The following ITCH variants were observed in gnomAD, a reference collection of about 807,000 sequenced individuals.
ITCH encodes itchy E3 ubiquitin protein ligase.
ITCH carries 28 observed loss-of-function variants against 126.8 expected under a neutral mutation model. That is an observed-to-expected ratio of 0.22 (90% confidence interval 0.16 to 0.30). ITCH has a LOEUF of 0.30. ITCH is among the 10% of genes least tolerant of loss of function. ITCH has a pLI of 1.00. For synonymous variants in ITCH, 342 were observed against 340.0 expected (o/e 1.01, Z -0.06); for missense variants, 631 against 1,032.4 (o/e 0.61, Z 5.33).
chr20:34,375,783 T>C lies in ITCH; in HGVS notation c.-22+6313T>C, dbSNP rs2037821855. ...ATCCCAGCACTTTGGGAGGCCAAGG[T>C]GATAGGATTGCTTGAGCCTCGGAGT... On this transcript the variant is annotated intron_variant, in intron 2 of 24. Coordinates refer to ENST00000374864, the MANE Select transcript of ITCH (RefSeq NM_031483.7). Among the ~76,000 whole-genome samples the C allele has an allele frequency of 4.5e-5, 6 of 133,208 alleles. No homozygotes were observed. The Admixed American group carries it at 4.5e-4, about 10-fold the overall frequency. 87.4% of individuals were successfully genotyped at this position (133,208 alleles called of 152,430 possible). A position where few individuals can be genotyped will look rare whatever the true frequency, so the allele number is the denominator to read the frequency against.
At chr20:34,408,504 T>A in intron 3 of ITCH, 147 bp from the exon 4 acceptor site, 1 of 722,652 alleles carries the variant, frequency 1.4e-6, no homozygotes, top group Non-Finnish European at 2.4e-6. Flanking sequence ...GTACAAAGGT[T>A]ATGAGTGAAT....
intron 2 of ITCH, among the ~76,000 whole-genome samples, chr20:34,389,963 A>G (rs1356399998): frequency 6.6e-6 from 1 of 152,116 alleles, no homozygotes; most frequent in Non-Finnish European, 1.5e-5. Flanking sequence ...TCTACTAAAA[A>G]TACAAAAATT....
chr20:34,434,141 G>A (rs1044550875), intron 7 of ITCH, among the ~76,000 whole-genome samples: 2 of 152,038 alleles, frequency 1.3e-5, no homozygotes, highest in African/African-American at 4.8e-5. Flanking sequence ...GCTGGGTATG[G>A]TGGTGCATGC....
chr20:34,460,041 T>C (rs1022567786), intron 13 of ITCH, among the ~76,000 whole-genome samples: 10 of 152,224 alleles, frequency 6.6e-5, no homozygotes, highest in Admixed American at 3.9e-4. Flanking sequence ...ACAGATGACC[T>C]AGTTCTATCT....
rs536178946 is a variant in ITCH, at chr20:34,468,802, G to C, written c.1425-1246G>C. Reference sequence around the variant, plus strand: ...CAAGACTCCATCTCAAAAAAAAAAAGAAAGAAAAGAAAAGAAATATAAGAT... The same window carrying C: ...CAAGACTCCATCTCAAAAAAAAAAACAAAGAAAAGAAAAGAAATATAAGAT... On this transcript the variant is annotated intron_variant, in intron 14 of 24. Transcript: ENST00000374864. Among the ~76,000 whole-genome samples the C allele has an allele frequency of 3.4e-4, 48 of 141,450 alleles. No individual in the cohort carries two copies. The South Asian group carries it at 0.011, about 32-fold the overall frequency. 92.8% of individuals were successfully genotyped at this position (141,450 alleles called of 152,430 possible).
At position 34,492,410 on chromosome 20, in the gene ITCH, TA is replaced by T. The variant is rs1373214969; in HGVS notation, c.2320-87del. On this transcript the variant is annotated intron_variant, in intron 22 of 24. Coordinates refer to ENST00000374864, the MANE Select transcript of ITCH (RefSeq NM_031483.7). ...TGGGACACCTCACCTCTAAAAAAAA[TA>T]AAAGATTTGAAATCATTATTTTTCT... The T allele has an allele frequency of 3.8e-5, 35 of 910,656 alleles. No homozygotes were observed. In the East Asian group the frequency reaches 8.1e-4, roughly 21 times the overall value. 56.4% of individuals were successfully genotyped at this position (910,656 alleles called of 1,614,324 possible). A position where few individuals can be genotyped will look rare whatever the true frequency, so the allele number is the denominator to read the frequency against.
At chr20:34,399,683 A>G (rs1023670966) in intron 3 of ITCH, among the ~76,000 whole-genome samples, 4 of 151,932 alleles carry the variant, frequency 2.6e-5, no homozygotes, top group Admixed American at 2.6e-4. Context: ...CTACTAAAAA[A>G]TACAAAAATT....
intron 12 of ITCH, among the ~76,000 whole-genome samples, chr20:34,450,541 G>A (rs140611849): frequency 3.7e-4 from 56 of 152,240 alleles, no homozygotes; most frequent in African/African-American, 1.3e-3. Context: ...ATAGTGTTAT[G>A]TAATACTCAC....
chr20:34,423,545 CCT>C (rs1981083911), intron 6 of ITCH, among the ~76,000 whole-genome samples: 1 of 152,038 alleles, frequency 6.6e-6, no homozygotes, highest in Non-Finnish European at 1.5e-5. Context: ...TTTCTCTTTC[CCT>C]GTTTACCATT....
chr20:34,441,388 G>A lies in ITCH; in HGVS notation c.870-820G>A, dbSNP rs369344028. Reference sequence around the variant, plus strand: ...TATTTTAAGATTATTTTCATAGATTGTTTTTAAGATACTCAGGTGTAATTT... The same window carrying A: ...TATTTTAAGATTATTTTCATAGATTATTTTTAAGATACTCAGGTGTAATTT... On this transcript the variant is annotated intron_variant, in intron 9 of 24. Coordinates refer to ENST00000374864, the MANE Select transcript of ITCH (RefSeq NM_031483.7). 2.4e-4 allele frequency among the ~76,000 whole-genome samples: 37 copies of A among 152,176 alleles called. No individual in the cohort carries two copies. In the East Asian group the frequency reaches 6.8e-3, roughly 28 times the overall value.
intron 16 of ITCH, among the ~76,000 whole-genome samples, chr20:34,475,278 C>G (rs1299484347): frequency 6.6e-6 from 1 of 152,178 alleles, no homozygotes; most frequent in Non-Finnish European, 1.5e-5. Context: ...GCTGCAATCT[C>G]GGCACTTTGG....
intron 12 of ITCH, chr20:34,454,436 CTA>C (rs1406060323): frequency 1.3e-5 from 2 of 152,108 alleles, no homozygotes; most frequent in Non-Finnish European, 2.9e-5. Context: ...CGCGCCCGGC[CTA>C]TGTTTTTCTT....
chr20:34,452,182 C>A lies in ITCH; in HGVS notation c.1210+2702C>A, dbSNP rs998618757. Among the ~76,000 whole-genome samples the A allele has an allele frequency of 2.6e-5, 4 of 151,998 alleles. No homozygotes were observed. In the East Asian group the frequency reaches 7.7e-4, roughly 29 times the overall value. ...CTAGGGCAGGTGTAGAAAAAAATGC[C>A]TCTTGCTTATAGAAAGCTGAATTGT... is the stretch of plus-strand genomic sequence containing the variant. On this transcript the variant is annotated intron_variant, in intron 12 of 24. Coordinates refer to ENST00000374864, the MANE Select transcript of ITCH (RefSeq NM_031483.7).
At chr20:34,498,531 T>C (rs984066799) in intron 23 of ITCH, among the ~76,000 whole-genome samples, 1 of 152,216 alleles carries the variant, frequency 6.6e-6, no homozygotes, top group Non-Finnish European at 1.5e-5. Context: ...TGAGAGTTTT[T>C]CTTATGAAGT....
chr20:34,448,729 A>G (rs1271264847), intron 11 of ITCH, among the ~76,000 whole-genome samples: 2 of 152,200 alleles, frequency 1.3e-5, no homozygotes, highest in African/African-American at 4.8e-5. Flanking sequence ...ATTTAAATCA[A>G]AACAGACTTA....
At position 34,427,462 on chromosome 20, in the gene ITCH, G is replaced by A. The variant is rs78726011; in HGVS notation, c.521+2937G>A. 8.9e-3 allele frequency among the ~76,000 whole-genome samples: 1,358 copies of A among 152,016 alleles called. 17 individuals carry two copies. Among genetic ancestry groups the A allele is most frequent in the African/African-American group, 0.031 (1,281 of 41,478 alleles). On this transcript the variant is annotated intron_variant, in intron 7 of 24. Coordinates refer to ENST00000374864, the MANE Select transcript of ITCH (RefSeq NM_031483.7). ...AACAGAAAAATTAAAATTAAAAAAC[G>A]GTAGTTAGGCCTGGTGGCACGTGCC...
At chr20:34,395,165 G>A (rs866033174) in intron 3 of ITCH, among the ~76,000 whole-genome samples, 2 of 151,552 alleles carry the variant, frequency 1.3e-5, no homozygotes, top group South Asian at 2.1e-4. Context: ...CCTAGGAGGC[G>A]GAGGTTGCAG....
chr20:34,390,577 G>A (rs1372401457), intron 2 of ITCH, among the ~76,000 whole-genome samples: 1 of 147,522 alleles, frequency 6.8e-6, no homozygotes, highest in East Asian at 2.0e-4. Context: ...AGCCTCCCAA[G>A]TAGCTGGGAT....
intron 17 of ITCH, among the ~76,000 whole-genome samples, chr20:34,478,264 A>T (rs1001943875): frequency 3.9e-5 from 6 of 152,208 alleles, no homozygotes; most frequent in Non-Finnish European, 8.8e-5. Flanking sequence ...CCTTATAGTG[A>T]TCAGGTCATT....
Sources: gnomAD v4.1 joint callset for allele counts (sites outside exome capture counted in the v4.1 genomes callset) on GRCh38, gnomAD v4.1.1 for gene constraint, MANE v1.5 for transcripts, NCBI Gene and HGNC (gene_info 2026-07-23, HGNC 2026-07-21) for gene names.